TMEM204: variants seen among roughly 807,000 people sequenced by gnomAD.
TMEM204 encodes the protein claudin-like protein 24.
In TMEM204, 15 loss-of-function variants were observed where a neutral mutation model predicts 19.4. That is an observed-to-expected ratio of 0.77 (90% CI 0.52 to 1.19). TMEM204 has a LOEUF of 1.19. Among genes scored for constraint, TMEM204 ranks in the 50% most tolerant of loss-of-function variants. The pLI is 0.00. For synonymous variants in TMEM204, 161 were observed against 146.0 expected, an observed-to-expected ratio of 1.10 and a Z score of -0.74; for missense variants, 287 against 321.2, an observed-to-expected ratio of 0.89 and a Z score of 0.81.
rs1319857180 is a variant in TMEM204, at chr16:1,534,055, G to A, written c.-221G>A. On this transcript the variant is annotated 5_prime_UTR_variant, in exon 1 of 3. Transcript: ENST00000566264. ...CCTGGGATGGGCCCCGAGGCGAGCA[G>A]CTTCAGCACAGGCCTGGCCCTGCTC... 3.5e-6 allele frequency: 2 copies of A among 572,804 alleles called. No individual in the cohort carries two copies. Among genetic ancestry groups the A allele is most frequent in the Non-Finnish European group, 5.9e-6 (2 of 341,462 alleles). The allele number at this position is 572,804 out of a possible 1,614,324, so 35.5% of individuals were successfully genotyped here.
chr16:1,531,384 G>C (rs1046664864), upstream of TMEM204: 1 of 152,230 alleles, frequency 6.6e-6, no homozygotes, highest in Non-Finnish European at 1.5e-5. The surrounding 1 kb of genome is among the most constrained non-coding windows in gnomAD (Gnocchi z 4.7). Flanking sequence ...ACAGCGGCTT[G>C]ACGATCATGC....
intron 2 of TMEM204, among the ~76,000 whole-genome samples, chr16:1,548,147 T>C (rs2032328658): frequency 6.6e-6 from 1 of 152,256 alleles, no homozygotes; most frequent in African/African-American, 2.4e-5. Context: ...CACCGTCATC[T>C]TGTTGCTCAC....
intron 1 of TMEM204, among the ~76,000 whole-genome samples, chr16:1,537,296 C>T (rs979277578): frequency 1.3e-5 from 2 of 152,246 alleles, no homozygotes; most frequent in African/African-American, 2.4e-5. Context: ...TTCCGGATGT[C>T]GCTGAGGCCC....
At chr16:1,545,944 G>A (rs189324982) in intron 2 of TMEM204, among the ~76,000 whole-genome samples, 2 of 152,204 alleles carry the variant, frequency 1.3e-5, no homozygotes, top group African/African-American at 4.8e-5. Context: ...TGAAATGTGC[G>A]GGGACCCCAC....
At chr16:1,542,470 C>T (rs528200207) in intron 2 of TMEM204, among the ~76,000 whole-genome samples, 19 of 152,360 alleles carry the variant, frequency 1.2e-4, no homozygotes, top group African/African-American at 3.6e-4. Flanking sequence ...GGAGCAGCCC[C>T]TGGGCAGAGG....
At position 1,552,577 on chromosome 16, in the gene TMEM204, G is replaced by A. The variant is rs538050218; in HGVS notation, c.437-2205G>A. On this transcript the variant is annotated intron_variant, in intron 2 of 2. Transcript: ENST00000566264. ...AAGCATCGATACCACACAATCGTGA[G>A]CAGAGGGCACATTCCGCACTGGTAG... Among the ~76,000 whole-genome samples, 7 of 151,926 alleles carry A rather than the reference G, an allele frequency of 4.6e-5. No homozygotes were observed. The East Asian group carries it at 5.8e-4, about 13-fold the overall frequency.
intron 2 of TMEM204, among the ~76,000 whole-genome samples, chr16:1,543,333 CAGA>C (rs756982336): frequency 6.6e-6 from 1 of 152,224 alleles, no homozygotes; most frequent in Non-Finnish European, 1.5e-5. Context: ...ATACAATTTC[CAGA>C]AGGAGGCTGA....
rs1261248444 is a variant in TMEM204, at chr16:1,541,861, CTGGCG to C, written c.281-55_281-51del. On this transcript the variant is annotated intron_variant, in intron 1 of 2. Coordinates refer to ENST00000566264, the MANE Select transcript of TMEM204 (RefSeq NM_024600.6). The stretch of plus-strand genomic sequence containing the variant: ...AGAGACCACGAAAGTGGCGTGACGG[CTGGCG>C]TGGCCTCTGGAGCCCACCTGCACTC... 24 of 1,489,280 alleles carry C rather than the reference CTGGCG, an allele frequency of 1.6e-5. No individual in the cohort carries two copies. The East Asian group carries it at 6.0e-4, about 37-fold the overall frequency. The allele number at this position is 1,489,280 out of a possible 1,614,324, so 92.3% of individuals were successfully genotyped here.
At chr16:1,535,018 T>C (rs2030923968) in intron 1 of TMEM204, among the ~76,000 whole-genome samples, 1 of 152,066 alleles carries the variant, frequency 6.6e-6, no homozygotes, top group Non-Finnish European at 1.5e-5. Flanking sequence ...GAACCTAGCC[T>C]ACATAGCGAG....
rs2032603075 is a variant in TMEM204 at position 1,551,164 on chromosome 16, G to T, written c.437-3618G>T. Among the ~76,000 whole-genome samples the T allele has an allele frequency of 6.6e-6, 1 of 152,252 alleles. No homozygotes were observed. Among genetic ancestry groups the T allele is most frequent in the South Asian group, 2.1e-4 (1 of 4,832 alleles). ...ACGATTAACTCAAAAAGTAATTGCG[G>T]AGAGACTTCTGGGAAGCTGTGGTCA... On this transcript the variant is annotated intron_variant, in intron 2 of 2. Transcript: ENST00000566264. The surrounding 1 kb of genome is among the most constrained non-coding windows in gnomAD (Gnocchi z 4.0).
chr16:1,543,607 A>ACTT (rs1205061296), intron 2 of TMEM204, among the ~76,000 whole-genome samples: 1 of 152,218 alleles, frequency 6.6e-6, no homozygotes, highest in Non-Finnish European at 1.5e-5. Context: ...TGCATGCCCA[A>ACTT]CTTCGAAAAG....
chr16:1,535,415 T>C (rs2030965616), intron 1 of TMEM204, among the ~76,000 whole-genome samples: 1 of 152,164 alleles, frequency 6.6e-6, no homozygotes, highest in Non-Finnish European at 1.5e-5. Context: ...AGGCCGACTC[T>C]CTGAAACTGT....
upstream of TMEM204, among the ~76,000 whole-genome samples, chr16:1,529,232 A>C (rs2030176175): frequency 6.6e-6 from 1 of 152,226 alleles, no homozygotes; most frequent in Admixed American, 6.5e-5. Flanking sequence ...CCAACCTGGC[A>C]GCCCCTGCCA....
In TMEM204 at chr16:1,553,657, G is replaced by A. The variant is rs964074479; in HGVS notation, c.437-1125G>A. 9.4e-7 allele frequency: 1 copy of A among 1,067,668 alleles called. No individual in the cohort carries two copies. Among genetic ancestry groups the A allele is most frequent in the African/African-American group, 1.7e-5 (1 of 60,428 alleles). 66.1% of individuals were successfully genotyped at this position (1,067,668 alleles called of 1,614,324 possible). On this transcript the variant is annotated intron_variant, in intron 2 of 2. Transcript: ENST00000566264. This position sits in a 1 kb window ranked among gnomAD's most constrained non-coding sequence, Gnocchi z 4.4. ...CTGTAACAGAGAGGGAGGGGTGCTG[G>A]GTGGGCAGAAGCGGGGCTGGGGCTG...
intron 2 of TMEM204, among the ~76,000 whole-genome samples, chr16:1,545,111 C>A (rs1170601399): frequency 6.6e-6 from 1 of 152,212 alleles, no homozygotes; most frequent in Non-Finnish European, 1.5e-5. Flanking sequence ...CACATGGGGG[C>A]GAGCACCCTG....
At chr16:1,549,996 G>A (rs915317031) in intron 2 of TMEM204, among the ~76,000 whole-genome samples, 9 of 151,234 alleles carry the variant, frequency 6.0e-5, no homozygotes, top group East Asian at 1.9e-4. Context: ...CTTTTTTGTC[G>A]CCCAGGCTGA....
chr16:1,530,771 T>G (rs2030390904), upstream of TMEM204: 1 of 149,924 alleles, frequency 6.7e-6, no homozygotes, highest in African/African-American at 2.5e-5. Flanking sequence ...TTGCTCTGGT[T>G]CCTGGGGCCC....
chr16:1,550,121 G>A (rs1362145700), intron 2 of TMEM204, among the ~76,000 whole-genome samples: 5 of 152,116 alleles, frequency 3.3e-5, no homozygotes, highest in Admixed American at 1.3e-4. Context: ...GTACTTTTTT[G>A]TAGAGGCAGG....
chr16:1,551,694 A>C lies in TMEM204; in HGVS notation c.437-3088A>C, dbSNP rs1011207091. 6.6e-6 allele frequency among the ~76,000 whole-genome samples: 1 copy of C among 152,204 alleles called. No individual in the cohort carries two copies. The highest frequency in any genetic ancestry group is 1.5e-5 in the Non-Finnish European group (1 of 68,032). On this transcript the variant is annotated intron_variant, in intron 2 of 2. Coordinates refer to ENST00000566264, the MANE Select transcript of TMEM204 (RefSeq NM_024600.6). This position sits in a 1 kb window ranked among gnomAD's most constrained non-coding sequence, Gnocchi z 4.0. ...ACATGCTTGTTCACGGAAGAGCCTAAGATCAGCGGCACTTCAGTCTTCTAC... is the reference window on the plus strand; with the variant it reads ...ACATGCTTGTTCACGGAAGAGCCTACGATCAGCGGCACTTCAGTCTTCTAC...
Sources: allele counts gnomAD v4.1 joint callset (sites outside exome capture counted in the v4.1 genomes callset), GRCh38; gene constraint gnomAD v4.1.1; non-coding constraint Gnocchi (gnomAD v3.1); transcripts MANE v1.5; gene names NCBI Gene and HGNC (gene_info 2026-07-23, HGNC 2026-07-21).